BRAP: variants seen among roughly 807,000 people sequenced by gnomAD.
BRAP encodes BRCA1-associated protein.
Under a neutral mutation model 73.4 loss-of-function variants are expected in BRAP, and 42 were observed. The ratio of observed to expected loss-of-function variants is 0.57; its 90% CI spans 0.45 to 0.74. The LOEUF (loss-of-function observed/expected upper bound fraction) is 0.74, where lower values mean the gene tolerates loss of function less well. Among genes scored for constraint, BRAP ranks in the 30% least tolerant of loss-of-function variants. BRAP has a pLI of 0.00. For synonymous variants in BRAP, 255 were observed against 267.4 expected (o/e 0.95, Z 0.45); for missense variants, 593 against 751.4 (o/e 0.79, Z 2.46).
Position 111,683,261 on chromosome 12 carries a change from T to C in BRAP, c.129A>G (p.Ser43=). Residue 43 remains serine (S), a synonymous_variant, in exon 2 of 12, where the codon TCA becomes TCG. Transcript: ENST00000419234. ...ACTTGCCTTCTAAACAGGCTACAGCTGAGGCTAGTGTCGTCTTTTTTATCT... is the reference window on the plus strand; with the variant it reads ...ACTTGCCTTCTAAACAGGCTACAGCCGAGGCTAGTGTCGTCTTTTTTATCT... The part of the protein sequence containing the change: ...DEEIKKTTLA[S]AVACLEGKSP... 6.2e-7 allele frequency: 1 copy of C among 1,613,734 alleles called. No homozygotes were observed.
intron 8 of BRAP, 133 bp from the exon 9 acceptor site, chr12:111,658,978 T>C: frequency 4.8e-6 from 4 of 830,572 alleles, no homozygotes; most frequent in Non-Finnish European, 7.3e-6. Context: ...TGTCAAATCA[T>C]TTGAATTTTA....
At chr12:111,655,843 G>A (rs754946421) in intron 9 of BRAP, among the ~76,000 whole-genome samples, 188 bp from the exon 10 acceptor site, 9 of 152,158 alleles carry the variant, frequency 5.9e-5, no homozygotes, top group Non-Finnish European at 1.2e-4. Flanking sequence ...TTATGCTTCT[G>A]TCTTCCTGGG....
At chr12:111,658,877 T>G in intron 8 of BRAP, 32 bp from the exon 9 acceptor site, 1 of 1,546,464 alleles carries the variant, frequency 6.5e-7, no homozygotes. Flanking sequence ...GTGTGTTTCT[T>G]TAGAATGAAA....
rs1407291618 is a variant in BRAP, at chr12:111,644,151, TCA to T, written c.*46_*47del. ...TTTAGCTGAAGGTCCCAGCACACTC[TCA>T]CAGTGTCAGGGAGAACAGTCTCAGG... On this transcript the variant is annotated 3_prime_UTR_variant, in exon 12 of 12. Transcript: ENST00000419234. The T allele has an allele frequency of 1.5e-5, 23 of 1,570,872 alleles. No individual in the cohort carries two copies. The highest frequency in any genetic ancestry group is 5.1e-5 in the Admixed American group (3 of 58,272).
chr12:111,650,925 A>T (rs1592968962), intron 10 of BRAP, among the ~76,000 whole-genome samples: 2 of 152,318 alleles, frequency 1.3e-5, no homozygotes, highest in East Asian at 3.9e-4. Flanking sequence ...CTGATGTATA[A>T]CATATCAGAC....
At chr12:111,649,719 G>GC (rs1454107426) in intron 11 of BRAP, among the ~76,000 whole-genome samples, 1 of 152,220 alleles carries the variant, frequency 6.6e-6, no homozygotes, top group African/African-American at 2.4e-5. Flanking sequence ...TGCACACACT[G>GC]CAAGTGCACA....
chr12:111,647,269 TCAA>T (rs1163417153), intron 11 of BRAP, among the ~76,000 whole-genome samples: 1 of 152,042 alleles, frequency 6.6e-6, no homozygotes, highest in African/African-American at 2.4e-5. Context: ...AGACCTTATT[TCAA>T]CAACAACCAC....
At chr12:111,672,395 T>C (rs1484379603) in intron 5 of BRAP, among the ~76,000 whole-genome samples, 1 of 152,200 alleles carries the variant, frequency 6.6e-6, no homozygotes, top group Non-Finnish European at 1.5e-5. Flanking sequence ...TATTTTAAAG[T>C]ATACAGTTCA....
At chr12:111,660,892 T>G (rs779911626) in intron 6 of BRAP, among the ~76,000 whole-genome samples, 4 of 152,194 alleles carry the variant, frequency 2.6e-5, no homozygotes, top group Non-Finnish European at 5.9e-5. Context: ...TCATGTCCTT[T>G]TCCGCTCTTA....
rs900861553 is a variant in BRAP, at chr12:111,665,463, A to C, written c.896+176T>G. ...CACAAGGGTTCAGAATCAGCATACT[A>C]AAAAAGGACTTGGTCTCAGAATGCC... On this transcript the variant is annotated intron_variant, in intron 6 of 11. Coordinates refer to ENST00000419234, the MANE Select transcript of BRAP (RefSeq NM_006768.5). The surrounding 1 kb of genome is among the most constrained non-coding windows in gnomAD (Gnocchi z 4.3). Among the ~76,000 whole-genome samples the C allele has an allele frequency of 6.6e-6, 1 of 152,170 alleles. No individual in the cohort carries two copies. The highest frequency in any genetic ancestry group is 1.5e-5 in the Non-Finnish European group (1 of 68,018).
chr12:111,677,884 A>G (rs1332326522), intron 4 of BRAP, among the ~76,000 whole-genome samples: 3 of 152,152 alleles, frequency 2.0e-5, no homozygotes, highest in African/African-American at 7.2e-5. Flanking sequence ...ATAACTGTGT[A>G]CTCTCTTGCA....
chr12:111,660,212 C>T (rs537695749), intron 7 of BRAP, among the ~76,000 whole-genome samples: 1 of 151,146 alleles, frequency 6.6e-6, no homozygotes, highest in East Asian at 1.9e-4. Context: ...ACTATGTGAA[C>T]AGCAAGAAAA....
At chr12:111,685,493 C>G (rs751025004) in intron 1 of BRAP, 1 of 1,125,790 alleles carries the variant, frequency 8.9e-7, no homozygotes. Flanking sequence ...TGCCCTCAGA[C>G]GGCACAGGGA....
intron 9 of BRAP, among the ~76,000 whole-genome samples, chr12:111,658,462 A>G (rs548190355): frequency 1.3e-5 from 2 of 152,120 alleles, no homozygotes; most frequent in South Asian, 4.1e-4. Flanking sequence ...AGGAGCTGGG[A>G]TTACAGGTGT....
chr12:111,652,374 C>T (rs1201812191), intron 10 of BRAP, among the ~76,000 whole-genome samples: 1 of 152,108 alleles, frequency 6.6e-6, no homozygotes, highest in Non-Finnish European at 1.5e-5. Context: ...TGGGCACCCG[C>T]TACCACGTCC....
rs757874653 is a variant in BRAP at position 111,665,799 on chromosome 12, A to G, written c.748-12T>C. On this transcript the variant is annotated splice_polypyrimidine_tract_variant and intron_variant, in intron 5 of 11. Coordinates refer to ENST00000419234, the MANE Select transcript of BRAP (RefSeq NM_006768.5). This position sits in a 1 kb window ranked among gnomAD's most constrained non-coding sequence, Gnocchi z 4.3. ...GGGAGGCTGGCGCCCTACAGGAAAC[A>G]CCTCACATAAGCCTCACTCTTCATC... is the stretch of plus-strand genomic sequence containing the variant. 6.2e-7 allele frequency: 1 copy of G among 1,614,056 alleles called. No individual in the cohort carries two copies. Among genetic ancestry groups the G allele is most frequent in the South Asian group, 1.1e-5 (1 of 91,084 alleles).
intron 11 of BRAP, among the ~76,000 whole-genome samples, chr12:111,647,347 G>A (rs1431777811): frequency 6.6e-6 from 1 of 151,960 alleles, no homozygotes; most frequent in Non-Finnish European, 1.5e-5. Flanking sequence ...CAAAGATCAG[G>A]ATAGATTTAG....
At chr12:111,655,703 C>A in intron 9 of BRAP, 48 bp from the exon 10 acceptor site, 1 of 1,404,030 alleles carries the variant, frequency 7.1e-7, no homozygotes, top group South Asian at 1.2e-5. Flanking sequence ...CTGTTGTCAG[C>A]CTCTGAAATC....
In BRAP at chr12:111,685,741, C is replaced by G; in HGVS notation, c.52G>C (p.Val18Leu). 1 of 1,609,748 alleles carries G rather than the reference C, an allele frequency of 6.2e-7. No homozygotes were observed. The highest frequency in any genetic ancestry group is 2.2e-5 in the East Asian group (1 of 44,658). The change falls in exon 1 of 12, where the codon GTC becomes CTC. Residue 18 changes from valine (V) to leucine (L), a missense_variant. Physicochemically the swap from Val to Leu is conservative, Grantham distance 32 (BLOSUM62 1). Coordinates refer to ENST00000419234, the MANE Select transcript of BRAP (RefSeq NM_006768.5). The part of the protein sequence containing the change: ...IRLELAEHSP[V>L]PAGFGFSAAA... ...GCGCTGAAGCCGAAGCCGGCGGGGA[C>G]AGGCGAGTGTTCCGCGAGCTCCAAT...
Sources: gnomAD v4.1 joint callset for allele counts (sites outside exome capture counted in the v4.1 genomes callset) on GRCh38, gnomAD v4.1.1 for gene constraint, Gnocchi (gnomAD v3.1) non-coding constraint, MANE v1.5 for transcripts, NCBI Gene and HGNC (gene_info 2026-07-23, HGNC 2026-07-21) for gene names.